The following GAS7 variants were observed in gnomAD, a reference collection of about 807,000 sequenced individuals.
GAS7 encodes growth arrest-specific protein 7.
A neutral mutation model predicts 71.1 loss-of-function variants in GAS7; 28 were observed. That is an observed-to-expected ratio of 0.39 (90% CI 0.29 to 0.54). The LOEUF (loss-of-function observed/expected upper bound fraction) is 0.54, where lower values mean the gene tolerates loss of function less well. GAS7 is among the 20% of genes least tolerant of loss of function. The pLI, the probability that GAS7 is intolerant of heterozygous loss-of-function variation, is 0.62. For synonymous variants in GAS7, 258 were observed against 245.8 expected, an observed-to-expected ratio of 1.05 and a Z score of -0.46; for missense variants, 436 against 627.8, an observed-to-expected ratio of 0.69 and a Z score of 3.27.
rs573329404 is a variant in GAS7, at chr17:10,142,869, C to T, written c.183+55339G>A. ...TCAGTAACAGGGAGTGTGTCATGAA[C>T]TTGAACTGTGTCCTCCCAATCCAAA... On this transcript the variant is annotated intron_variant, in intron 1 of 13. Transcript: ENST00000432992. 7.9e-5 allele frequency among the ~76,000 whole-genome samples: 12 copies of T among 152,276 alleles called. No individual in the cohort carries two copies. The South Asian group carries it at 2.5e-3, about 32-fold the overall frequency.
chr17:10,141,370 C>G (rs2074079603), intron 1 of GAS7, among the ~76,000 whole-genome samples: 1 of 152,098 alleles, frequency 6.6e-6, no homozygotes, highest in Admixed American at 6.5e-5. Context: ...ATGGTGTGAA[C>G]CCGGGAGACG....
intron 1 of GAS7, among the ~76,000 whole-genome samples, chr17:10,165,022 C>T (rs1367753884): frequency 2.6e-5 from 4 of 151,140 alleles, no homozygotes; most frequent in African/African-American, 9.7e-5. Context: ...TGGTGGCGAG[C>T]GCCTGTAGTC....
chr17:9,925,485 T>C lies in GAS7; in HGVS notation c.1129A>G (p.Thr377Ala), dbSNP rs1567778613. 6.2e-7 allele frequency: 1 copy of C among 1,614,200 alleles called. No homozygotes were observed. The highest frequency in any genetic ancestry group is 8.5e-7 in the Non-Finnish European group (1 of 1,180,036). The change falls in exon 11 of 14, where the codon ACA (threonine) becomes GCA (alanine). Residue 377 changes from threonine (T) to alanine (A), a missense_variant. By Grantham distance (58) the Thr-to-Ala change is moderately conservative. Coordinates refer to ENST00000432992, the MANE Select transcript of GAS7 (RefSeq NM_201433.2). ...EDIKKARRKS[T>A]QAGDDLMRCV... ...GGTGCCCAGCACTTACCAGCCTGTG[T>C]GGACTTTCTCCGCGCCTTCTTGATG...
chr17:10,062,860 G>A (rs1164355649), intron 1 of GAS7, among the ~76,000 whole-genome samples: 1 of 152,114 alleles, frequency 6.6e-6, no homozygotes, highest in Non-Finnish European at 1.5e-5. Context: ...AGCTCCCACC[G>A]CAAATGCCCT....
intron 1 of GAS7, among the ~76,000 whole-genome samples, chr17:10,055,523 G>A (rs921066674): frequency 1.3e-5 from 2 of 152,112 alleles, no homozygotes; most frequent in Middle Eastern, 3.4e-3. Context: ...CCAAAATGAC[G>A]TTGCATCCTG....
chr17:10,104,565 A>G (rs1263773893), intron 1 of GAS7, among the ~76,000 whole-genome samples: 5 of 152,092 alleles, frequency 3.3e-5, no homozygotes. Flanking sequence ...TATCATCCCT[A>G]TGCTGATGCT....
At chr17:10,025,444 T>C (rs1279230541) in intron 1 of GAS7, among the ~76,000 whole-genome samples, 3 of 151,746 alleles carry the variant, frequency 2.0e-5, no homozygotes, top group Non-Finnish European at 4.4e-5. Flanking sequence ...CAAGTGAGCA[T>C]ATGATGTGCA....
rs139136952 is a variant in GAS7 at position 9,968,977 on chromosome 17, G to C, written c.471+700C>G. On this transcript the variant is annotated intron_variant, in intron 4 of 13. Coordinates refer to ENST00000432992, the MANE Select transcript of GAS7 (RefSeq NM_201433.2). The stretch of plus-strand genomic sequence containing the variant: ...GATAATTTATGGGTAGACTAAATAA[G>C]GCTAGTCCTCAGTTTTTTAGGCACA... Among the ~76,000 whole-genome samples the C allele has an allele frequency of 2.3e-3, 350 of 152,274 alleles. 2 individuals carry two copies. The highest frequency in any genetic ancestry group is 8.3e-3 in the African/African-American group (344 of 41,526).
At chr17:10,000,681 A>C (rs947830212) in intron 2 of GAS7, among the ~76,000 whole-genome samples, 1 of 152,204 alleles carries the variant, frequency 6.6e-6, no homozygotes, top group Non-Finnish European at 1.5e-5. Context: ...GCGTTTGCAC[A>C]CCTTGTTATA....
rs2073721508 is a variant in GAS7 at position 10,103,086 on chromosome 17, T to C, written c.184-83189A>G. 6.6e-6 allele frequency among the ~76,000 whole-genome samples: 1 copy of C among 152,130 alleles called. No individual in the cohort carries two copies. ...ACAAACCCTGACCGGACGTAGTGGC[T>C]CACACCTGTAATCCCAGCATTTTGG... On this transcript the variant is annotated intron_variant, in intron 1 of 13. Transcript: ENST00000432992. The surrounding 1 kb of genome is among the most constrained non-coding windows in gnomAD (Gnocchi z 5.5).
intron 1 of GAS7, among the ~76,000 whole-genome samples, chr17:10,123,797 G>C (rs923956668): frequency 7.9e-5 from 12 of 152,242 alleles, no homozygotes; most frequent in Non-Finnish European, 1.6e-4. Context: ...GGTAAGAGGA[G>C]GGGCGCAGCA....
intron 1 of GAS7, among the ~76,000 whole-genome samples, chr17:10,140,723 G>A (rs1441337280): frequency 2.0e-5 from 3 of 152,174 alleles, no homozygotes; most frequent in African/African-American, 7.2e-5. Flanking sequence ...TAAGTCCACA[G>A]AATAGGTGGT....
At chr17:10,097,684 A>G (rs886457048) in intron 1 of GAS7, among the ~76,000 whole-genome samples, 2 of 152,126 alleles carry the variant, frequency 1.3e-5, no homozygotes, top group Non-Finnish European at 2.9e-5. Flanking sequence ...CAGGTATGGC[A>G]GGCACGACAG....
intron 2 of GAS7, among the ~76,000 whole-genome samples, chr17:10,005,570 C>T (rs1223459276): frequency 6.6e-6 from 1 of 152,042 alleles, no homozygotes; most frequent in Non-Finnish European, 1.5e-5. Flanking sequence ...GAAGGTGGGG[C>T]TGGTGGGGCC....
intron 2 of GAS7, among the ~76,000 whole-genome samples, chr17:9,993,600 T>A (rs2044357897): frequency 6.6e-6 from 1 of 151,778 alleles, no homozygotes; most frequent in African/African-American, 2.4e-5. Flanking sequence ...ACTGGAAGCA[T>A]TCCCTTTGAA....
At chr17:10,171,581 G>A (rs1016621296) in intron 1 of GAS7, among the ~76,000 whole-genome samples, 3 of 152,238 alleles carry the variant, frequency 2.0e-5, no homozygotes, top group East Asian at 3.9e-4. Flanking sequence ...AAGAAATCTC[G>A]AAAATGAACA....
intron 5 of GAS7, among the ~76,000 whole-genome samples, chr17:9,957,836 C>A (rs903303854): frequency 6.6e-6 from 1 of 152,136 alleles, no homozygotes; most frequent in Non-Finnish European, 1.5e-5. Context: ...TCCATCAGCA[C>A]AGGGCACTCC....
At chr17:10,075,802 A>T (rs1271442461) in intron 1 of GAS7, among the ~76,000 whole-genome samples, 4 of 141,920 alleles carry the variant, frequency 2.8e-5, no homozygotes, top group African/African-American at 7.6e-5. Flanking sequence ...CTCAGTTTTA[A>T]AAAAAAAAAA....
At chr17:10,007,903 C>A (rs1039367799) in intron 2 of GAS7, among the ~76,000 whole-genome samples, 8 of 95,656 alleles carry the variant, frequency 8.4e-5, no homozygotes, top group East Asian at 2.8e-4. Context: ...AATTCCAGCT[C>A]CCCCCCGCAA....
Sources: allele counts gnomAD v4.1 joint callset (sites outside exome capture counted in the v4.1 genomes callset), GRCh38; gene constraint gnomAD v4.1.1; non-coding constraint Gnocchi (gnomAD v3.1); transcripts MANE v1.5; gene names NCBI Gene and HGNC (gene_info 2026-07-23, HGNC 2026-07-21).